The following ANKRD28 variants were observed in gnomAD, a reference collection of about 807,000 sequenced individuals.
ANKRD28 encodes the protein serine/threonine-protein phosphatase 6 regulatory ankyrin repeat subunit A.
ANKRD28 carries 44 observed loss-of-function variants against 126.5 expected under a neutral mutation model. The observed-to-expected ratio is 0.35, with a 90% CI of 0.27 to 0.45. The LOEUF (loss-of-function observed/expected upper bound fraction) is 0.45. Among genes scored for constraint, ANKRD28 ranks in the 20% least tolerant of loss-of-function variants. ANKRD28 has a pLI of 1.00. For missense variants in ANKRD28, 1,110 were observed against 1,316.6 expected, an observed-to-expected ratio of 0.84 and a Z score of 2.43; for synonymous variants, 442 against 468.5, an observed-to-expected ratio of 0.94 and a Z score of 0.73.
Position 15,726,660 on chromosome 3 carries a change from TATCTA to T in ANKRD28, c.641-2141_641-2137del, listed in dbSNP as rs1201060843. Among the ~76,000 whole-genome samples the T allele has an allele frequency of 5.3e-5, 8 of 152,370 alleles. No individual in the cohort carries two copies. The East Asian group carries it at 1.3e-3, about 26-fold the overall frequency. Reference sequence around the variant, plus strand: ...TGTATTAATAGAAGCTGTAAAAAGTTATCTAAAAGATATAAGATTATTAATGAAGG... The same window carrying T: ...TGTATTAATAGAAGCTGTAAAAAGTTAAAGATATAAGATTATTAATGAAGG... On this transcript the variant is annotated intron_variant, in intron 6 of 27. Transcript: ENST00000683139.
At chr3:15,672,350 C>T (rs1485061603) in intron 27 of ANKRD28, among the ~76,000 whole-genome samples, 3 of 152,114 alleles carry the variant, frequency 2.0e-5, no homozygotes, top group Admixed American at 2.0e-4. Flanking sequence ...CTTTGTTCCC[C>T]AGGCTGGTCT....
intron 14 of ANKRD28, among the ~76,000 whole-genome samples, chr3:15,701,264 C>T (rs190321568): frequency 2.0e-4 from 31 of 152,256 alleles, no homozygotes; most frequent in Admixed American, 2.0e-3. Context: ...ATTGTAATAT[C>T]TTCAATGGCA....
rs1403591687 is a variant in ANKRD28 at position 15,668,351 on chromosome 3, CTTGAT to C, written c.*1914_*1918del. Reference sequence around the variant, plus strand: ...CACATATGTATACTTTTAGAATCTGCTTGATTTTTTTTTTTTTCAAAAGGTACAAT... The same window carrying C: ...CACATATGTATACTTTTAGAATCTGCTTTTTTTTTTTTCAAAAGGTACAAT... On this transcript the variant is annotated 3_prime_UTR_variant, in exon 28 of 28. Coordinates refer to ENST00000683139, the MANE Select transcript of ANKRD28 (RefSeq NM_001349278.2). 2 of 150,268 alleles carry C rather than the reference CTTGAT, an allele frequency of 1.3e-5. No homozygotes were observed. Among genetic ancestry groups the C allele is most frequent in the Non-Finnish European group, 3.0e-5 (2 of 67,768 alleles). The allele number at this position is 150,268 out of a possible 1,614,324, so 9.3% of individuals were successfully genotyped here.
intron 1 of ANKRD28, among the ~76,000 whole-genome samples, chr3:15,818,411 G>T (rs1478805522): frequency 6.6e-6 from 1 of 152,192 alleles, no homozygotes; most frequent in Non-Finnish European, 1.5e-5. Flanking sequence ...TGGGTTACAC[G>T]TATAAGATGT....
intron 18 of ANKRD28, among the ~76,000 whole-genome samples, chr3:15,688,670 C>G (rs2068432795): frequency 6.6e-6 from 1 of 152,142 alleles, no homozygotes; most frequent in Non-Finnish European, 1.5e-5. Context: ...GAAAAAAAAT[C>G]CAAGACATAT....
At chr3:15,693,941 C>CT (rs2069163377) in intron 17 of ANKRD28, among the ~76,000 whole-genome samples, 1 of 152,072 alleles carries the variant, frequency 6.6e-6, no homozygotes, top group African/African-American at 2.4e-5. Context: ...AATAACTGAA[C>CT]TTGTAGTGTT....
intron 2 of ANKRD28, among the ~76,000 whole-genome samples, chr3:15,779,715 C>T (rs966555199): frequency 6.6e-6 from 1 of 152,078 alleles, no homozygotes; most frequent in Non-Finnish European, 1.5e-5. Flanking sequence ...TGGTTCTTGC[C>T]CCAGGACAAA....
intron 18 of ANKRD28, 168 bp downstream of exon 18, chr3:15,689,851 C>A (rs1575163028): frequency 1.6e-6 from 1 of 616,046 alleles, no homozygotes; most frequent in Non-Finnish European, 2.7e-6. Flanking sequence ...TTTGTAAATT[C>A]ATTTGTGTGA....
At chr3:15,751,203 T>C (rs2057840920) in intron 4 of ANKRD28, among the ~76,000 whole-genome samples, 1 of 152,148 alleles carries the variant, frequency 6.6e-6, no homozygotes, top group Admixed American at 6.5e-5. Context: ...AATGAACATT[T>C]TCTAAAAATG....
Position 15,834,963 on chromosome 3 carries a change from C to A in ANKRD28, c.27+24414G>T, listed in dbSNP as rs188348984. Among the ~76,000 whole-genome samples, 164 of 152,258 alleles carry A rather than the reference C, an allele frequency of 1.1e-3. 1 individual carries two copies. The highest frequency in any genetic ancestry group is 3.8e-3 in the African/African-American group (157 of 41,558). On this transcript the variant is annotated intron_variant, in intron 1 of 27. Coordinates refer to the ANKRD28 transcript ENST00000399451. Reference sequence around the variant, plus strand: ...AGAAGTCCGAGACTAGCCTGGCCAACACGGCAAAATGCTCTCTCTACTAAA... The same window carrying A: ...AGAAGTCCGAGACTAGCCTGGCCAAAACGGCAAAATGCTCTCTCTACTAAA...
chr3:15,710,414 G>A (rs2099853252), intron 12 of ANKRD28, among the ~76,000 whole-genome samples: 1 of 152,166 alleles, frequency 6.6e-6, no homozygotes, highest in South Asian at 2.1e-4. Flanking sequence ...TTACGTGGAA[G>A]TTAGGTTTTA....
Position 15,686,110 on chromosome 3 carries a change from C to T in ANKRD28, c.2061G>A (p.Leu687=), listed in dbSNP as rs1353125649. 6.2e-7 allele frequency: 1 copy of T among 1,612,778 alleles called. No individual in the cohort carries two copies. The highest frequency in any genetic ancestry group is 1.3e-5 in the African/African-American group (1 of 74,928). The part of the protein sequence containing the change: ...DIQDGNGQTP[L]MLSVLNGHTD... ...TGTGCCCGTTGAGAACAGATAGCAT[C>T]AGAGGCGTCCTGAGCAACAACAGGA... Residue 687 remains leucine, a synonymous_variant, in exon 20 of 28, where the codon CTG becomes CTA. Coordinates refer to ENST00000683139, the MANE Select transcript of ANKRD28 (RefSeq NM_001349278.2).
At chr3:15,719,034 C>T (rs2073399292) in intron 8 of ANKRD28, among the ~76,000 whole-genome samples, 1 of 152,100 alleles carries the variant, frequency 6.6e-6, no homozygotes, top group Non-Finnish European at 1.5e-5. Flanking sequence ...CTAGTAATTA[C>T]TTAAACTATA....
intron 4 of ANKRD28, among the ~76,000 whole-genome samples, chr3:15,742,079 G>A (rs1014071164): frequency 1.3e-5 from 2 of 152,166 alleles, no homozygotes; most frequent in African/African-American, 4.8e-5. Flanking sequence ...CGTGATCTCG[G>A]CTCGCTACAA....
intron 2 of ANKRD28, among the ~76,000 whole-genome samples, chr3:15,790,668 G>C (rs1181841652): frequency 6.6e-6 from 1 of 151,976 alleles, no homozygotes; most frequent in Non-Finnish European, 1.5e-5. Flanking sequence ...ATATATGACA[G>C]ACCCACAGCT....
chr3:15,783,591 C>T (rs140882447), intron 2 of ANKRD28, among the ~76,000 whole-genome samples: 60 of 151,992 alleles, frequency 3.9e-4, no homozygotes, highest in African/African-American at 1.4e-3. Flanking sequence ...TTAATTGTAA[C>T]AGATGAAACA....
intron 2 of ANKRD28, among the ~76,000 whole-genome samples, chr3:15,782,497 T>G (rs1232748834): frequency 6.6e-6 from 1 of 152,108 alleles, no homozygotes; most frequent in Non-Finnish European, 1.5e-5. Context: ...ATAGCACATT[T>G]AAATGTGTGA....
At chr3:15,752,604 G>T (rs2125384886) in intron 3 of ANKRD28, among the ~76,000 whole-genome samples, 1 of 152,292 alleles carries the variant, frequency 6.6e-6, no homozygotes, top group East Asian at 1.9e-4. Flanking sequence ...AAGTAGAGAA[G>T]AAACAGCCCT....
Position 15,694,751 on chromosome 3 carries a change from A to AGGGCTT in ANKRD28, c.1743_1748dup (p.Ser582_Pro583dup). On this transcript the variant is annotated inframe_insertion, in exon 17 of 28. Coordinates refer to ENST00000683139, the MANE Select transcript of ANKRD28 (RefSeq NM_001349278.2). ...AGGCAGTACTCACAGCCAAGTGTAA[A>AGGGCTT]GGGCTTATTGTTGCTCTATTATCTG... 6.2e-7 allele frequency: 1 copy of AGGGCTT among 1,613,466 alleles called. No homozygotes were observed. Among genetic ancestry groups the AGGGCTT allele is most frequent in the Non-Finnish European group, 8.5e-7 (1 of 1,179,476 alleles).
Sources: allele counts gnomAD v4.1 joint callset (sites outside exome capture counted in the v4.1 genomes callset), GRCh38; gene constraint gnomAD v4.1.1; transcripts MANE v1.5; gene names NCBI Gene and HGNC (gene_info 2026-07-23, HGNC 2026-07-21).